Variants in CLASP2 observed in about 807,000 individuals in gnomAD.
CLASP2 encodes the protein CLIP-associating protein 2.
A neutral mutation model predicts 194.4 loss-of-function variants in CLASP2; 47 were observed. The observed-to-expected ratio is 0.24, with a 90% CI of 0.19 to 0.31. The LOEUF (loss-of-function observed/expected upper bound fraction) is 0.31. CLASP2 is among the 10% of genes least tolerant of loss of function. The probability of loss-of-function intolerance (pLI) is 1.00; values close to 1 mark genes in which losing one functional copy is unlikely to be tolerated. For synonymous variants in CLASP2, 619 were observed against 633.5 expected (o/e 0.98, Z 0.34); for missense variants, 1,445 against 1,823.6 (o/e 0.79, Z 3.78).
intron 1 of CLASP2, among the ~76,000 whole-genome samples, chr3:33,707,674 C>T (rs2092755934): frequency 6.6e-6 from 1 of 152,152 alleles, no homozygotes; most frequent in African/African-American, 2.4e-5. Context: ...ATAGTCTTGC[C>T]TCCCTGCCCC....
intron 37 of CLASP2, among the ~76,000 whole-genome samples, chr3:33,508,888 T>C (rs1387074069): frequency 6.6e-6 from 1 of 152,256 alleles, no homozygotes; most frequent in Non-Finnish European, 1.5e-5. Context: ...TTATTCTTTT[T>C]GACCCTCAAA....
chr3:33,677,288 A>C (rs886547902), intron 6 of CLASP2, among the ~76,000 whole-genome samples: 2 of 151,844 alleles, frequency 1.3e-5, no homozygotes, highest in African/African-American at 4.8e-5. Flanking sequence ...ACAATAGCAA[A>C]GACTTGGAAC....
chr3:33,677,382 T>G (rs1388743562), intron 6 of CLASP2, among the ~76,000 whole-genome samples: 1 of 151,170 alleles, frequency 6.6e-6, no homozygotes, highest in East Asian at 1.9e-4. Context: ...CCATAAAAAA[T>G]GATGAGTTCA....
chr3:33,511,716 A>ATGCT lies in CLASP2; in HGVS notation c.4111-953_4111-952insAGCA, dbSNP rs1310034735. On this transcript the variant is annotated intron_variant, in intron 36 of 38. Transcript: ENST00000682230. ...TAGTCTTAAGAACACGTAAAAATAA[A>ATGCT]ACAAACAACCCCATCAAAAAGTGGG... is the stretch of plus-strand genomic sequence containing the variant. 1.4e-4 allele frequency among the ~76,000 whole-genome samples: 9 copies of ATGCT among 66,424 alleles called. 2 individuals carry two copies. Among genetic ancestry groups the ATGCT allele is most frequent in the South Asian group, 4.6e-4 (1 of 2,170 alleles). The allele number at this position is 66,424 out of a possible 152,430, so 43.6% of individuals were successfully genotyped here. A position where few individuals can be genotyped will look rare whatever the true frequency, so the allele number is the denominator to read the frequency against.
intron 27 of CLASP2, among the ~76,000 whole-genome samples, chr3:33,561,274 G>A (rs1358289669): frequency 6.6e-6 from 1 of 152,122 alleles, no homozygotes; most frequent in African/African-American, 2.4e-5. Flanking sequence ...GCTTAAACTG[G>A]GTAAAGTGAA....
intron 30 of CLASP2, among the ~76,000 whole-genome samples, chr3:33,550,605 C>A (rs1367453791): frequency 6.6e-6 from 1 of 151,064 alleles, no homozygotes; most frequent in Non-Finnish European, 1.5e-5. Flanking sequence ...AAAATAATAG[C>A]CATACACATG....
At chr3:33,513,472 C>G (rs2050482214) in intron 36 of CLASP2, among the ~76,000 whole-genome samples, 1 of 152,104 alleles carries the variant, frequency 6.6e-6, no homozygotes, top group South Asian at 2.1e-4. Flanking sequence ...GCAAGGGTTG[C>G]AGTGAGCTGA....
chr3:33,546,557 T>C (rs913337608), intron 30 of CLASP2, among the ~76,000 whole-genome samples: 1 of 152,206 alleles, frequency 6.6e-6, no homozygotes, highest in Non-Finnish European at 1.5e-5. Flanking sequence ...CTCAATTCCA[T>C]TGTTCAGGTC....
intron 12 of CLASP2, 96 bp downstream of exon 12, chr3:33,619,507 G>C: frequency 1.9e-6 from 2 of 1,056,098 alleles, no homozygotes; most frequent in East Asian, 2.9e-5. Flanking sequence ...CATTGAGAGA[G>C]AGGGGTGGGG....
At chr3:33,711,145 T>A (rs2092984322) in intron 1 of CLASP2, among the ~76,000 whole-genome samples, 1 of 152,132 alleles carries the variant, frequency 6.6e-6, no homozygotes, top group Non-Finnish European at 1.5e-5. Context: ...GTCAGGAATT[T>A]AAAATGAAGC....
intron 25 of CLASP2, among the ~76,000 whole-genome samples, chr3:33,572,574 A>C (rs2063992242): frequency 6.6e-6 from 1 of 152,134 alleles, no homozygotes; most frequent in Admixed American, 6.5e-5. Context: ...AAGTAGGGGG[A>C]AAAAACAAGC....
At chr3:33,547,608 T>C (rs907815671) in intron 30 of CLASP2, among the ~76,000 whole-genome samples, 2 of 152,204 alleles carry the variant, frequency 1.3e-5, no homozygotes, top group Admixed American at 1.3e-4. Flanking sequence ...TGATGTGCGA[T>C]GTCTCTGTCT....
intron 20 of CLASP2, among the ~76,000 whole-genome samples, chr3:33,593,316 C>T (rs1384383046): frequency 1.3e-5 from 2 of 152,066 alleles, no homozygotes; most frequent in Non-Finnish European, 2.9e-5. Flanking sequence ...TGTTCTTAAG[C>T]AATAGTCTCA....
intron 6 of CLASP2, 111 bp downstream of exon 6, chr3:33,684,245 CAAA>C: frequency 1.8e-6 from 1 of 547,938 alleles, no homozygotes; most frequent in Non-Finnish European, 2.9e-6. Flanking sequence ...GACTCCATCT[CAAA>C]AAAATAAATA....
chr3:33,621,978 A>T (rs1031917784), intron 11 of CLASP2, among the ~76,000 whole-genome samples, 157 bp downstream of exon 11: 21 of 152,320 alleles, frequency 1.4e-4, no homozygotes, highest in African/African-American at 4.3e-4. Context: ...GGAATTTTTT[A>T]AAAATCATAC....
At chr3:33,629,808 C>A (rs578039447) in intron 9 of CLASP2, among the ~76,000 whole-genome samples, 132 of 133,792 alleles carry the variant, frequency 9.9e-4, no homozygotes, top group Non-Finnish European at 1.6e-3. Flanking sequence ...AAAAAAAAAA[C>A]GAGAGAACCA....
At chr3:33,651,045 G>T (rs373481467) in intron 7 of CLASP2, among the ~76,000 whole-genome samples, 1 of 152,040 alleles carries the variant, frequency 6.6e-6, no homozygotes, top group African/African-American at 2.4e-5. Context: ...CTGATATGAG[G>T]CTATTTATGT....
rs556157813 is a variant in CLASP2 at position 33,710,540 on chromosome 3, T to G, written c.195+7268A>C. On this transcript the variant is annotated intron_variant, in intron 1 of 38. Coordinates refer to ENST00000682230, the MANE Select transcript of CLASP2 (RefSeq NM_001365631.1). ...GTGAGCTATGATCGTGCCACTACAC[T>G]CCAGCCTGGGCAACAGAGCAAGATC... 2.6e-5 allele frequency among the ~76,000 whole-genome samples: 4 copies of G among 152,016 alleles called. No individual in the cohort carries two copies. In the East Asian group the frequency reaches 7.7e-4, roughly 29 times the overall value.
intron 16 of CLASP2, among the ~76,000 whole-genome samples, chr3:33,605,857 C>T (rs543215225): frequency 2.0e-5 from 3 of 152,172 alleles, no homozygotes; most frequent in South Asian, 2.1e-4. Context: ...GTGATCTGCT[C>T]GCCTTAGCCT....
Sources: allele counts gnomAD v4.1 joint callset (sites outside exome capture counted in the v4.1 genomes callset), GRCh38; gene constraint gnomAD v4.1.1; transcripts MANE v1.5; gene names NCBI Gene and HGNC (gene_info 2026-07-23, HGNC 2026-07-21).